PLCB1: variants seen among roughly 807,000 people sequenced by gnomAD.
PLCB1 encodes the protein 1-phosphatidylinositol 4,5-bisphosphate phosphodiesterase beta-1.
Under a neutral mutation model 161.8 loss-of-function variants are expected in PLCB1, and 46 were observed. The ratio of observed to expected loss-of-function variants is 0.28; its 90% CI spans 0.22 to 0.36. PLCB1 has a LOEUF of 0.36. Among genes scored for constraint, PLCB1 ranks in the 10% least tolerant of loss-of-function variants. The pLI, the probability that PLCB1 is intolerant of heterozygous loss-of-function variation, is 1.00. For synonymous variants in PLCB1, 517 were observed against 503.7 expected, an observed-to-expected ratio of 1.03 and a Z score of -0.35; for missense variants, 1,016 against 1,472.5, an observed-to-expected ratio of 0.69 and a Z score of 5.07.
At chr20:8,804,816 C>A (rs1222822930) in intron 31 of PLCB1, among the ~76,000 whole-genome samples, 1 of 151,704 alleles carries the variant, frequency 6.6e-6, no homozygotes, top group African/African-American at 2.4e-5. Context: ...ATGGTGAAAC[C>A]CCATCTCTAC....
At chr20:8,229,291 T>A (rs1270651575) in intron 2 of PLCB1, among the ~76,000 whole-genome samples, 2 of 152,094 alleles carry the variant, frequency 1.3e-5, no homozygotes, top group Non-Finnish European at 2.9e-5. Flanking sequence ...AACATTATTT[T>A]AAAAATTTAA....
At chr20:8,549,446 G>A (rs1484691765) in intron 3 of PLCB1, among the ~76,000 whole-genome samples, 3 of 152,290 alleles carry the variant, frequency 2.0e-5, no homozygotes, top group South Asian at 2.1e-4. Flanking sequence ...TTCCTGATAA[G>A]TTTGGTTCTG....
At chr20:8,565,821 G>A (rs971799981) in intron 3 of PLCB1, among the ~76,000 whole-genome samples, 2 of 152,014 alleles carry the variant, frequency 1.3e-5, no homozygotes. Flanking sequence ...CCTGCAAAAC[G>A]GAGGTGAAGA....
chr20:8,653,797 A>C (rs1989380922), intron 7 of PLCB1, among the ~76,000 whole-genome samples: 1 of 152,086 alleles, frequency 6.6e-6, no homozygotes, highest in Non-Finnish European at 1.5e-5. Context: ...TAAGGTATAG[A>C]ATTAAGCAAC....
At chr20:8,766,043 C>A (rs1334585786) in intron 26 of PLCB1, among the ~76,000 whole-genome samples, 1 of 152,138 alleles carries the variant, frequency 6.6e-6, no homozygotes, top group East Asian at 1.9e-4. Context: ...ATCCATAATG[C>A]CCTACACAGG....
At chr20:8,754,573 A>T (rs1167321750) in intron 23 of PLCB1, among the ~76,000 whole-genome samples, 1 of 152,134 alleles carries the variant, frequency 6.6e-6, no homozygotes, top group Non-Finnish European at 1.5e-5. Context: ...ACCAACTTGG[A>T]TATAATGGGG....
chr20:8,859,202 G>A (rs1387738489), intron 31 of PLCB1, among the ~76,000 whole-genome samples: 1 of 152,104 alleles, frequency 6.6e-6, no homozygotes, highest in African/African-American at 2.4e-5. Context: ...TTCTTGATTG[G>A]CTCAAGAACT....
In PLCB1 at chr20:8,858,233, C is replaced by T. The variant is rs376372912; in HGVS notation, c.3424-23389C>T. ...CATTTGCACTCACACACACACACCA[C>T]GGCCTGCTCTTGTTACAAGCAGTTT... On this transcript the variant is annotated intron_variant, in intron 31 of 31. Transcript: ENST00000338037. 3.5e-4 allele frequency among the ~76,000 whole-genome samples: 54 copies of T among 152,276 alleles called. No individual in the cohort carries two copies. The South Asian group carries it at 9.8e-3, about 28-fold the overall frequency.
intron 2 of PLCB1, among the ~76,000 whole-genome samples, chr20:8,276,240 A>G (rs1223907010): frequency 6.6e-6 from 1 of 152,242 alleles, no homozygotes; most frequent in Non-Finnish European, 1.5e-5. Context: ...GTATCAGATC[A>G]ACATCTCCAG....
chr20:8,468,727 A>C (rs8117408), intron 3 of PLCB1, among the ~76,000 whole-genome samples: 26,159 of 152,198 alleles, frequency 0.17, 2,911 homozygotes, highest in Non-Finnish European at 0.26. Flanking sequence ...TATAATGGCA[A>C]CTGCCATTTA....
At position 8,236,793 on chromosome 20, in the gene PLCB1, T is replaced by G. The variant is rs115852686; in HGVS notation, c.177+86422T>G. Among the ~76,000 whole-genome samples the G allele has an allele frequency of 9.1e-3, 1,381 of 152,006 alleles. 22 individuals are homozygous for G. Among genetic ancestry groups the G allele is most frequent in the African/African-American group, 0.032 (1,333 of 41,494 alleles). On this transcript the variant is annotated intron_variant, in intron 2 of 31. Transcript: ENST00000338037. ...CTAGCCTTTATAAATTAAAGAATAATAGAAATATGGGTAAACGATATGAAT... is the reference window on the plus strand; with the variant it reads ...CTAGCCTTTATAAATTAAAGAATAAGAGAAATATGGGTAAACGATATGAAT...
chr20:8,574,629 GA>G (rs1463965415), intron 3 of PLCB1, among the ~76,000 whole-genome samples: 1 of 152,200 alleles, frequency 6.6e-6, no homozygotes, highest in African/African-American at 2.4e-5. Context: ...GTCAATAAAG[GA>G]TATGTTATCA....
chr20:8,612,156 G>A (rs775573586), intron 3 of PLCB1, among the ~76,000 whole-genome samples: 3 of 152,058 alleles, frequency 2.0e-5, no homozygotes, highest in Non-Finnish European at 2.9e-5. Flanking sequence ...CAAAGACTGT[G>A]CCACATTCAT....
At chr20:8,268,429 G>C (rs6133562) in intron 2 of PLCB1, among the ~76,000 whole-genome samples, 1 of 152,084 alleles carries the variant, frequency 6.6e-6, no homozygotes, top group Admixed American at 6.6e-5. Flanking sequence ...GTAAACATAC[G>C]TGTGCATGTG....
chr20:8,683,175 ATG>A (rs1205120019), intron 9 of PLCB1, among the ~76,000 whole-genome samples: 3 of 151,994 alleles, frequency 2.0e-5, no homozygotes, highest in Non-Finnish European at 4.4e-5. Context: ...AATTATATGT[ATG>A]TGTGTATATG....
intron 1 of PLCB1, among the ~76,000 whole-genome samples, chr20:8,140,783 AC>A (rs367947355): frequency 6.6e-6 from 1 of 151,976 alleles, no homozygotes; most frequent in Admixed American, 6.6e-5. Context: ...AACAACAACA[AC>A]AAAAAACTTT....
At chr20:8,484,880 A>C (rs926763340) in intron 3 of PLCB1, among the ~76,000 whole-genome samples, 1 of 152,192 alleles carries the variant, frequency 6.6e-6, no homozygotes, top group African/African-American at 2.4e-5. Context: ...GCTCACTGCT[A>C]TATCCCCCAG....
intron 3 of PLCB1, among the ~76,000 whole-genome samples, chr20:8,511,506 A>G (rs1033532546): frequency 1.3e-5 from 2 of 152,156 alleles, no homozygotes; most frequent in Non-Finnish European, 2.9e-5. Flanking sequence ...TTTCTTTAAC[A>G]GTTGATTTCA....
intron 31 of PLCB1, among the ~76,000 whole-genome samples, chr20:8,816,533 A>C (rs1449662785): frequency 6.6e-6 from 1 of 152,248 alleles, no homozygotes; most frequent in African/African-American, 2.4e-5. Context: ...AAGCCAGAGA[A>C]TAGAACAAAA....
Sources: allele counts gnomAD v4.1 joint callset (sites outside exome capture counted in the v4.1 genomes callset), GRCh38; gene constraint gnomAD v4.1.1; transcripts MANE v1.5; gene names NCBI Gene and HGNC (gene_info 2026-07-23, HGNC 2026-07-21).